Variants in EYS observed in about 807,000 individuals in gnomAD.
EYS encodes EGF-like photoreceptor maintenance factor, also known as protein eyes shut homolog.
A neutral mutation model predicts 282.1 loss-of-function variants in EYS; 250 were observed. That is an observed-to-expected ratio of 0.89 (90% confidence interval 0.80 to 0.98). The LOEUF is 0.98. Ranked by LOEUF, EYS falls within the 50% of genes least tolerant of loss-of-function variation. The pLI, the probability that EYS is intolerant of heterozygous loss-of-function variation, is 0.00. For synonymous variants in EYS, 1,355 were observed against 1,282.9 expected, an observed-to-expected ratio of 1.06 and a Z score of -1.20; for missense variants, 4,016 against 3,709.0, an observed-to-expected ratio of 1.08 and a Z score of -2.15.
chr6:63,906,074 ATGT>A (rs1773773471), intron 35 of EYS, among the ~76,000 whole-genome samples: 1 of 152,224 alleles, frequency 6.6e-6, no homozygotes. Context: ...TAGTTTGCTA[ATGT>A]TGTCACTATG....
At chr6:65,485,223 T>G (rs1477644409) in intron 5 of EYS, among the ~76,000 whole-genome samples, 1 of 152,216 alleles carries the variant, frequency 6.6e-6, no homozygotes, top group Non-Finnish European at 1.5e-5. Context: ...CATTACTGAC[T>G]GTATACAAAC....
intron 2 of EYS, among the ~76,000 whole-genome samples, chr6:65,544,086 C>T (rs1015434308): frequency 6.6e-6 from 1 of 151,488 alleles, no homozygotes; most frequent in Non-Finnish European, 1.5e-5. Context: ...TTTACAGACC[C>T]TATATGGAAG....
chr6:64,873,426 C>T (rs1766654136), intron 19 of EYS, among the ~76,000 whole-genome samples: 1 of 151,954 alleles, frequency 6.6e-6, no homozygotes, highest in South Asian at 2.1e-4. Context: ...ACTACAACAC[C>T]AGAGGAAAGA....
In EYS at chr6:64,381,314, C is replaced by G. The variant is rs137946867; in HGVS notation, c.6078+7376G>C. 4.1e-3 allele frequency among the ~76,000 whole-genome samples: 631 copies of G among 152,194 alleles called. 5 individuals carry two copies. Among genetic ancestry groups the G allele is most frequent in the African/African-American group, 0.014 (597 of 41,526 alleles). ...CCGTTCTTACGTGGTTATCCCTGTACTGATTTCTAAGTTTTCTAGTCCTTT... is the reference window on the plus strand; with the variant it reads ...CCGTTCTTACGTGGTTATCCCTGTAGTGATTTCTAAGTTTTCTAGTCCTTT... On this transcript the variant is annotated intron_variant, in intron 29 of 42. Transcript: ENST00000503581.
chr6:65,272,088 C>T (rs1033740811), intron 12 of EYS, among the ~76,000 whole-genome samples: 3 of 152,138 alleles, frequency 2.0e-5, no homozygotes, highest in Non-Finnish European at 2.9e-5. Context: ...TTTCTTTTCC[C>T]AGTCTGTCTA....
intron 12 of EYS, among the ~76,000 whole-genome samples, chr6:65,142,715 G>A (rs1405119234): frequency 6.6e-6 from 1 of 151,600 alleles, no homozygotes; most frequent in African/African-American, 2.4e-5. Flanking sequence ...ATAGCTGAAG[G>A]TCCTACAAAG....
intron 22 of EYS, among the ~76,000 whole-genome samples, chr6:64,643,617 G>A (rs1246192243): frequency 6.6e-6 from 1 of 152,144 alleles, no homozygotes. Context: ...ATCTCATCTT[G>A]AATTGTAACT....
At chr6:63,846,771 C>G (rs1772107968) in intron 36 of EYS, among the ~76,000 whole-genome samples, 1 of 152,166 alleles carries the variant, frequency 6.6e-6, no homozygotes, top group Non-Finnish European at 1.5e-5. Flanking sequence ...ATCCCTTACT[C>G]AGGACCCACA....
At chr6:64,396,005 G>T (rs948528635) in intron 28 of EYS, among the ~76,000 whole-genome samples, 1 of 151,612 alleles carries the variant, frequency 6.6e-6, no homozygotes, top group African/African-American at 2.4e-5. Context: ...CACTACCCAG[G>T]ACAAAAGGCA....
chr6:65,587,861 G>A (rs1157737031), intron 2 of EYS, among the ~76,000 whole-genome samples: 1 of 152,018 alleles, frequency 6.6e-6, no homozygotes, highest in Non-Finnish European at 1.5e-5. Flanking sequence ...TATAGTTGTA[G>A]TTTCATAAAT....
At chr6:64,506,557 G>GA (rs1458180146) in intron 26 of EYS, among the ~76,000 whole-genome samples, 1 of 152,132 alleles carries the variant, frequency 6.6e-6, no homozygotes, top group East Asian at 1.9e-4. Flanking sequence ...GCTGAGAAGT[G>GA]AATGTCTTGT....
chr6:65,542,473 ATGTGTGTGTGTGTG>A (rs35318949), intron 2 of EYS, among the ~76,000 whole-genome samples: 1 of 146,448 alleles, frequency 6.8e-6, no homozygotes, highest in East Asian at 2.0e-4. Context: ...TAACAATAGA[ATGTGTGTGTGTGTG>A]TGTGTGTGTG....
chr6:65,028,659 T>TA (rs1446118691), intron 13 of EYS, among the ~76,000 whole-genome samples: 1 of 152,090 alleles, frequency 6.6e-6, no homozygotes, highest in Non-Finnish European at 1.5e-5. Flanking sequence ...ACAGAAGTGA[T>TA]ATGTTATCCT....
chr6:63,920,186 A>G (rs749049001), intron 35 of EYS, among the ~76,000 whole-genome samples: 1 of 152,126 alleles, frequency 6.6e-6, no homozygotes, highest in Non-Finnish European at 1.5e-5. Flanking sequence ...GCACTTTTAA[A>G]GATAAAGGAT....
intron 36 of EYS, among the ~76,000 whole-genome samples, chr6:63,860,205 G>A (rs1470446790): frequency 6.6e-6 from 1 of 152,146 alleles, no homozygotes; most frequent in Non-Finnish European, 1.5e-5. Flanking sequence ...AGTTGGTGGG[G>A]TATAGAAAGT....
chr6:65,605,861 T>A lies in EYS; in HGVS notation c.-333+33917A>T, dbSNP rs1015648856. 6.6e-5 allele frequency among the ~76,000 whole-genome samples: 10 copies of A among 151,732 alleles called. No individual in the cohort carries two copies. In the Admixed American group the frequency reaches 6.6e-4, roughly 10 times the overall value. On this transcript the variant is annotated intron_variant, in intron 2 of 42. Transcript: ENST00000503581. ...GATTGTATGCATAAAAGAATAAACGTCTGAAAATGTAGAATAAAATAAAAT... is the reference window on the plus strand; with the variant it reads ...GATTGTATGCATAAAAGAATAAACGACTGAAAATGTAGAATAAAATAAAAT...
intron 2 of EYS, among the ~76,000 whole-genome samples, chr6:65,532,354 C>A (rs777980530): frequency 2.0e-5 from 3 of 151,942 alleles, no homozygotes; most frequent in African/African-American, 7.3e-5. Context: ...TTTCTTTGAT[C>A]CAAAATTGTT....
In EYS at chr6:64,644,089, G is replaced by A. The variant is rs1011090520; in HGVS notation, c.3444-17844C>T. On this transcript the variant is annotated intron_variant, in intron 22 of 42. Transcript: ENST00000503581. ...TCTTATATGACCTGATTTTTCTTTT[G>A]AATTGTAGCCTAAGATACAGTGAAG... Among the ~76,000 whole-genome samples the A allele has an allele frequency of 1.1e-4, 17 of 152,164 alleles. No individual in the cohort carries two copies. In the East Asian group the frequency reaches 2.9e-3, roughly 26 times the overall value.
intron 31 of EYS, among the ~76,000 whole-genome samples, chr6:64,124,717 G>A (rs1202379764): frequency 6.6e-6 from 1 of 152,136 alleles, no homozygotes; most frequent in African/African-American, 2.4e-5. Context: ...CAAATTTCTT[G>A]ATTACTGGTA....
Sources: gnomAD v4.1 joint callset for allele counts (sites outside exome capture counted in the v4.1 genomes callset) on GRCh38, gnomAD v4.1.1 for gene constraint, MANE v1.5 for transcripts, NCBI Gene and HGNC (gene_info 2026-07-23, HGNC 2026-07-21) for gene names.